Variants in DCLK1 observed in about 807,000 individuals in gnomAD.
The protein encoded by DCLK1 is doublecortin like kinase 1, also known as serine/threonine-protein kinase DCLK1.
A neutral mutation model predicts 86.2 loss-of-function variants in DCLK1; 16 were observed. The ratio of observed to expected loss-of-function variants is 0.19; its 90% CI spans 0.13 to 0.28. DCLK1 has a LOEUF of 0.28. DCLK1 is among the 10% of genes least tolerant of loss of function. The probability of loss-of-function intolerance (pLI) is 1.00; values close to 1 mark genes in which losing one functional copy is unlikely to be tolerated. For synonymous variants in DCLK1, 369 were observed against 370.5 expected (o/e 1.00, Z 0.05); for missense variants, 590 against 940.2 (o/e 0.63, Z 4.87).
At chr13:35,924,486 C>T (rs1422199799) in intron 4 of DCLK1, among the ~76,000 whole-genome samples, 4 of 152,154 alleles carry the variant, frequency 2.6e-5, no homozygotes, top group Admixed American at 6.5e-5. Context: ...CCTGTCTCTA[C>T]TAAAAATACA....
intron 3 of DCLK1, among the ~76,000 whole-genome samples, chr13:35,969,698 C>T (rs1317044714): frequency 6.6e-6 from 1 of 152,232 alleles, no homozygotes; most frequent in Non-Finnish European, 1.5e-5. Flanking sequence ...CCAACACACA[C>T]TGACTCAGTT....
chr13:35,820,109 C>CA (rs996033797), intron 11 of DCLK1, among the ~76,000 whole-genome samples: 1 of 152,178 alleles, frequency 6.6e-6, no homozygotes, highest in African/African-American at 2.4e-5. Context: ...GTGAAATCAA[C>CA]AGTGGTCTCA....
chr13:35,800,903 A>C (rs1220403161), intron 15 of DCLK1, among the ~76,000 whole-genome samples: 1 of 127,676 alleles, frequency 7.8e-6, no homozygotes, highest in Admixed American at 7.8e-5. Flanking sequence ...TTTTTTTTTT[A>C]AGTAGAGGTG....
chr13:35,968,400 G>A (rs180790998), intron 3 of DCLK1, among the ~76,000 whole-genome samples: 1 of 152,216 alleles, frequency 6.6e-6, no homozygotes, highest in African/African-American at 2.4e-5. Context: ...AGGGTCACCT[G>A]TTTGGGCTTT....
chr13:35,877,134 G>A (rs1440201243), intron 4 of DCLK1, among the ~76,000 whole-genome samples: 1 of 152,186 alleles, frequency 6.6e-6, no homozygotes, highest in Admixed American at 6.5e-5. Flanking sequence ...CTATACAAAT[G>A]TTTTGGGGAT....
intron 3 of DCLK1, among the ~76,000 whole-genome samples, chr13:36,068,414 T>C (rs1406919775): frequency 1.3e-5 from 2 of 152,190 alleles, no homozygotes; most frequent in African/African-American, 4.8e-5. Flanking sequence ...GTGAATATAA[T>C]CCTCTCTAAA....
intron 4 of DCLK1, among the ~76,000 whole-genome samples, chr13:35,909,641 ATT>A (rs566124878): frequency 1.4e-4 from 18 of 125,262 alleles, no homozygotes; most frequent in East Asian, 2.1e-4. Flanking sequence ...GTGTGTGTGT[ATT>A]TTTTTTTTCT....
intron 2 of DCLK1, among the ~76,000 whole-genome samples, chr13:36,125,117 G>C (rs747441219): frequency 6.6e-6 from 1 of 151,974 alleles, no homozygotes; most frequent in Non-Finnish European, 1.5e-5. Flanking sequence ...AACCTAAATT[G>C]GACTTAAAAA....
At chr13:35,910,676 C>T (rs1874964136) in intron 4 of DCLK1, among the ~76,000 whole-genome samples, 1 of 152,152 alleles carries the variant, frequency 6.6e-6, no homozygotes, top group African/African-American at 2.4e-5. Context: ...TTCCCAGGGG[C>T]CGCTGTGGCA....
intron 3 of DCLK1, among the ~76,000 whole-genome samples, chr13:35,990,848 T>C (rs1348891893): frequency 6.6e-6 from 1 of 152,186 alleles, no homozygotes; most frequent in Non-Finnish European, 1.5e-5. Context: ...TTATTTTGAA[T>C]CTGATAAATT....
rs2086277777 is a variant in DCLK1, at chr13:35,768,803, C to G, written c.*5732G>C. The G allele has an allele frequency of 6.6e-6, 1 of 152,258 alleles. No homozygotes were observed. The highest frequency in any genetic ancestry group is 1.5e-5 in the Non-Finnish European group (1 of 68,054). The allele number at this position is 152,258 out of a possible 1,614,324, so 9.4% of individuals were successfully genotyped here. ...GGAGGACATGTGGGAAAGCTACACT[C>G]TGACCGCATGACTAATTTTTAAAGC... On this transcript the variant is annotated 3_prime_UTR_variant, in exon 17 of 17. Coordinates refer to ENST00000360631, the MANE Select transcript of DCLK1 (RefSeq NM_001330071.2).
rs1872356343 is a variant in DCLK1, at chr13:35,872,728, C to T, written c.824-1388G>A. 2.7e-5 allele frequency among the ~76,000 whole-genome samples: 4 copies of T among 146,434 alleles called. No homozygotes were observed. In the South Asian group the frequency reaches 6.2e-4, roughly 23 times the overall value. ...CAATAGCTATTTGTTCTTTCCCCTTCAATATCACTACCTTTGTGATATTGT... is the reference window on the plus strand; with the variant it reads ...CAATAGCTATTTGTTCTTTCCCCTTTAATATCACTACCTTTGTGATATTGT... On this transcript the variant is annotated intron_variant, in intron 4 of 16. Transcript: ENST00000360631.
At chr13:36,004,589 T>TTG (rs1880864554) in intron 3 of DCLK1, among the ~76,000 whole-genome samples, 1 of 152,136 alleles carries the variant, frequency 6.6e-6, no homozygotes, top group Admixed American at 6.6e-5. Flanking sequence ...GTTGTTGTTG[T>TTG]TGTTTTGTTT....
At chr13:36,000,950 ATTT>A (rs11449048) in intron 3 of DCLK1, among the ~76,000 whole-genome samples, 1 of 146,582 alleles carries the variant, frequency 6.8e-6, no homozygotes, top group Non-Finnish European at 1.5e-5. Flanking sequence ...TGCATAACTG[ATTT>A]TTTTTTTTTT....
chr13:35,977,129 A>G (rs1405977622), intron 3 of DCLK1, among the ~76,000 whole-genome samples: 2 of 152,212 alleles, frequency 1.3e-5, no homozygotes, highest in African/African-American at 4.8e-5. Flanking sequence ...GTGTGTGTGT[A>G]TATATATACA....
intron 3 of DCLK1, among the ~76,000 whole-genome samples, chr13:36,042,895 C>T (rs1479366895): frequency 6.6e-6 from 1 of 152,224 alleles, no homozygotes; most frequent in Non-Finnish European, 1.5e-5. Flanking sequence ...CATTCAAACA[C>T]ATTTAAGGTG....
chr13:35,846,077 C>G (rs376974587), intron 6 of DCLK1: 55 of 985,224 alleles, frequency 5.6e-5, no homozygotes, highest in Non-Finnish European at 6.6e-5. Flanking sequence ...TTTTGTCAAC[C>G]CTTAGCTCTA....
intron 16 of DCLK1, among the ~76,000 whole-genome samples, chr13:35,775,881 T>C (rs145440284): frequency 2.0e-5 from 3 of 152,096 alleles, no homozygotes; most frequent in Non-Finnish European, 4.4e-5. Flanking sequence ...CAATCTTAGA[T>C]CTAAAATAGG....
At chr13:35,779,648 T>C (rs973258469) in intron 16 of DCLK1, among the ~76,000 whole-genome samples, 1 of 152,208 alleles carries the variant, frequency 6.6e-6, no homozygotes. Context: ...AGTCAATATT[T>C]AAGACTATAA....
Sources: gnomAD v4.1 joint callset for allele counts (sites outside exome capture counted in the v4.1 genomes callset) on GRCh38, gnomAD v4.1.1 for gene constraint, MANE v1.5 for transcripts, NCBI Gene and HGNC (gene_info 2026-07-23, HGNC 2026-07-21) for gene names.